Variants in PALLD observed in about 807,000 individuals in gnomAD.
PALLD encodes palladin.
Under a neutral mutation model 123.5 loss-of-function variants are expected in PALLD, and 61 were observed. That is an observed-to-expected ratio of 0.49 (90% confidence interval 0.40 to 0.61). The LOEUF (loss-of-function observed/expected upper bound fraction) is 0.61, where lower values mean the gene tolerates loss of function less well. Ranked by LOEUF, PALLD falls within the 20% of genes least tolerant of loss-of-function variation. The pLI, the probability that PALLD is intolerant of heterozygous loss-of-function variation, is 0.00. For missense variants in PALLD, 1,273 were observed against 1,377.0 expected, an observed-to-expected ratio of 0.92 and a Z score of 1.20; for synonymous variants, 465 against 496.4, an observed-to-expected ratio of 0.94 and a Z score of 0.84.
chr4:168,556,723 C>A (rs942345632), intron 2 of PALLD, among the ~76,000 whole-genome samples: 1 of 152,112 alleles, frequency 6.6e-6, no homozygotes, highest in African/African-American at 2.4e-5. Context: ...ACCAGCCTAA[C>A]AAAAAAGACT....
In PALLD at chr4:168,512,016, A is replaced by C; in HGVS notation, c.512A>C (p.Lys171Thr). 1 of 1,614,246 alleles carries C rather than the reference A, an allele frequency of 6.2e-7. No homozygotes were observed. Among genetic ancestry groups the C allele is most frequent in the Non-Finnish European group, 8.5e-7 (1 of 1,180,048 alleles). The change falls in exon 2 of 22, where the codon AAG becomes ACG. Residue 171 changes from lysine (K) to threonine (T), a missense_variant. Physicochemically the swap from Lys to Thr is moderately conservative, Grantham distance 78. Coordinates refer to ENST00000505667, the MANE Select transcript of PALLD (RefSeq NM_001166108.2). The part of the protein sequence containing the change: ...KGGPQSQLCD[K>T]AANLIEELTS... ...GGCCCCCAGAGCCAGCTGTGTGACA[A>C]GGCAGCTAATTTAATTGAGGAGCTA...
At chr4:168,871,990 A>C (rs953800774) in intron 10 of PALLD, among the ~76,000 whole-genome samples, 2 of 152,236 alleles carry the variant, frequency 1.3e-5, no homozygotes, top group African/African-American at 4.8e-5. Context: ...AACATCTGGA[A>C]GCCAGCGGCA....
At position 168,892,554 on chromosome 4, in the gene PALLD, G is replaced by C. The variant is rs111240924; in HGVS notation, c.2100+1497G>C. Among the ~76,000 whole-genome samples the C allele has an allele frequency of 9.3e-4, 142 of 152,198 alleles. 1 individual carries two copies. The highest frequency in any genetic ancestry group is 3.3e-3 in the African/African-American group (137 of 41,540). On this transcript the variant is annotated intron_variant, in intron 11 of 21. Transcript: ENST00000505667. ...TTTTGTGTTAGTTACTCATTTCACT[G>C]AGTATAGAAGATTTTCACAAGAGGA...
chr4:168,917,049 GTTTT>G (rs1190179892), intron 17 of PALLD, among the ~76,000 whole-genome samples: 6 of 124,890 alleles, frequency 4.8e-5, no homozygotes, highest in East Asian at 4.4e-4. Flanking sequence ...TTTTTTTGGG[GTTTT>G]TTTTTTTTTT....
intron 10 of PALLD, among the ~76,000 whole-genome samples, chr4:168,787,466 A>C (rs1736912847): frequency 6.6e-6 from 1 of 152,244 alleles, no homozygotes; most frequent in Admixed American, 6.5e-5. Context: ...AGACTATCTA[A>C]ACCTGTGCTG....
chr4:168,681,268 C>A (rs1419145265), intron 3 of PALLD, 64 bp from the exon 4 acceptor site: 5 of 942,846 alleles, frequency 5.3e-6, no homozygotes, highest in Admixed American at 1.7e-5. Context: ...AAATATAATT[C>A]TTTGCAATTA....
chr4:168,875,232 T>C (rs535630993), intron 10 of PALLD, among the ~76,000 whole-genome samples: 8 of 152,182 alleles, frequency 5.3e-5, no homozygotes, highest in Admixed American at 2.6e-4. Flanking sequence ...AAAGAAGTAA[T>C]GAATTTCTTA....
At chr4:168,658,574 A>G (rs9997585) in intron 2 of PALLD, among the ~76,000 whole-genome samples, 89,233 of 151,872 alleles carry the variant, frequency 0.59, 26,638 homozygotes, top group African/African-American at 0.68. Context: ...GGCGTGAGCC[A>G]CCATGCCCAG....
intron 10 of PALLD, among the ~76,000 whole-genome samples, chr4:168,739,097 C>T (rs914898525): frequency 1.3e-5 from 2 of 152,162 alleles, no homozygotes; most frequent in African/African-American, 4.8e-5. Context: ...CTGCAGATGA[C>T]AGCCTTTCGT....
intron 2 of PALLD, among the ~76,000 whole-genome samples, chr4:168,651,519 A>C (rs886820286): frequency 6.6e-6 from 1 of 152,186 alleles, no homozygotes; most frequent in Non-Finnish European, 1.5e-5. Context: ...AATTAAACAA[A>C]CAAAAAAGCC....
intron 2 of PALLD, among the ~76,000 whole-genome samples, chr4:168,627,055 G>T (rs1256958293): frequency 6.6e-6 from 1 of 152,152 alleles, no homozygotes; most frequent in Non-Finnish European, 1.5e-5. Context: ...CTACAGAACT[G>T]TACACTTAAA....
intron 2 of PALLD, among the ~76,000 whole-genome samples, chr4:168,639,375 G>A (rs1459914255): frequency 6.6e-6 from 1 of 152,132 alleles, no homozygotes; most frequent in African/African-American, 2.4e-5. Context: ...GCATGTTATT[G>A]TATCCGCATC....
intron 12 of PALLD, 112 bp from the exon 13 acceptor site, chr4:168,896,437 T>C (rs2151237137): frequency 1.4e-6 from 1 of 700,298 alleles, no homozygotes; most frequent in South Asian, 1.5e-5. Flanking sequence ...GCACCGTTAC[T>C]ACCAAACGCA....
intron 10 of PALLD, among the ~76,000 whole-genome samples, chr4:168,757,239 C>G (rs890702436): frequency 1.3e-5 from 2 of 152,146 alleles, no homozygotes; most frequent in Admixed American, 1.3e-4. Context: ...ATGTTGATTT[C>G]CTCAGATTTC....
At chr4:168,557,799 G>T (rs992416503) in intron 2 of PALLD, among the ~76,000 whole-genome samples, 1 of 152,182 alleles carries the variant, frequency 6.6e-6, no homozygotes, top group African/African-American at 2.4e-5. Context: ...CCCTACCCCA[G>T]TTAGGACCTA....
chr4:168,545,208 C>T (rs1766022142), intron 2 of PALLD, among the ~76,000 whole-genome samples: 1 of 152,104 alleles, frequency 6.6e-6, no homozygotes, highest in Non-Finnish European at 1.5e-5. Flanking sequence ...GTGTAAATGA[C>T]TATTTCCTTT....
chr4:168,913,244 C>T (rs948567612), intron 15 of PALLD, among the ~76,000 whole-genome samples: 3 of 150,660 alleles, frequency 2.0e-5, no homozygotes, highest in African/African-American at 7.3e-5. Flanking sequence ...TCAATAGATT[C>T]TTCTGCCTCA....
At chr4:168,895,417 T>C (rs1283643585) in intron 12 of PALLD, among the ~76,000 whole-genome samples, 1 of 152,194 alleles carries the variant, frequency 6.6e-6, no homozygotes, top group African/African-American at 2.4e-5. Flanking sequence ...TATACGACTT[T>C]TGACTCTTCA....
In PALLD at chr4:168,890,487, A is replaced by G. The variant is rs1753996052; in HGVS notation, c.1965-435A>G. On this transcript the variant is annotated intron_variant, in intron 10 of 21. Transcript: ENST00000505667. ...CTAGAAGACTGAATAAAAGTATGAT[A>G]AAAATACGTTCTCTTTCAACCTCTC... Among the ~76,000 whole-genome samples, 4 of 152,216 alleles carry G rather than the reference A, an allele frequency of 2.6e-5. 1 individual carries two copies. Among genetic ancestry groups the G allele is most frequent in the Non-Finnish European group, 5.9e-5 (4 of 68,040 alleles).
Sources: allele counts gnomAD v4.1 joint callset (sites outside exome capture counted in the v4.1 genomes callset), GRCh38; gene constraint gnomAD v4.1.1; transcripts MANE v1.5; gene names NCBI Gene and HGNC (gene_info 2026-07-23, HGNC 2026-07-21).